The following ROBO2 variants were observed in gnomAD, a reference collection of about 807,000 sequenced individuals.
ROBO2 encodes the protein roundabout guidance receptor 2, also known as roundabout homolog 2.
ROBO2 carries 53 observed loss-of-function variants against 160.8 expected under a neutral mutation model. The ratio of observed to expected loss-of-function variants is 0.33; its 90% CI spans 0.26 to 0.41. ROBO2 has a LOEUF of 0.41. ROBO2 is among the 10% of genes least tolerant of loss of function. The pLI, the probability that ROBO2 is intolerant of heterozygous loss-of-function variation, is 1.00. For synonymous variants in ROBO2, 664 were observed against 611.7 expected (o/e 1.09, Z -1.26); for missense variants, 1,577 against 1,722.4 (o/e 0.92, Z 1.49).
intron 2 of ROBO2, among the ~76,000 whole-genome samples, chr3:76,758,206 A>T (rs2061095405): frequency 6.6e-6 from 1 of 151,840 alleles, no homozygotes; most frequent in Non-Finnish European, 1.5e-5. Context: ...TTCCATGGAA[A>T]AAAAAATACC....
At chr3:76,944,868 C>G (rs982880391) in intron 2 of ROBO2, among the ~76,000 whole-genome samples, 2 of 151,900 alleles carry the variant, frequency 1.3e-5, no homozygotes, top group East Asian at 3.9e-4. Flanking sequence ...GTGGCCCTCC[C>G]CTTGAATCTG....
intron 2 of ROBO2, among the ~76,000 whole-genome samples, chr3:76,866,877 C>A (rs2071425323): frequency 6.6e-6 from 1 of 152,134 alleles, no homozygotes; most frequent in Non-Finnish European, 1.5e-5. Flanking sequence ...ACCACTACCT[C>A]CCAGTCCCCT....
At chr3:76,110,545 G>A (rs1004351642) in intron 2 of ROBO2, among the ~76,000 whole-genome samples, 1 of 152,060 alleles carries the variant, frequency 6.6e-6, no homozygotes, top group Non-Finnish European at 1.5e-5. Context: ...GAAAATAATG[G>A]CACTGATGTT....
In ROBO2 at chr3:76,861,570, G is replaced by T. The variant is rs181330411; in HGVS notation, c.110-236444G>T. Among the ~76,000 whole-genome samples the T allele has an allele frequency of 1.3e-3, 205 of 152,152 alleles. 3 individuals are homozygous for T. The highest frequency in any genetic ancestry group is 4.6e-4 in the Non-Finnish European group (31 of 68,006). ...TCTGAGTTCCCTCCAGGGCCATCAT[G>T]TCTACTGTCAAGTTTTCAAATCACC... is the stretch of plus-strand genomic sequence containing the variant. On this transcript the variant is annotated intron_variant, in intron 2 of 26. Coordinates refer to the ROBO2 transcript ENST00000487694.
intron 2 of ROBO2, among the ~76,000 whole-genome samples, chr3:76,636,957 T>TG (rs11432751): frequency 0.68 from 102,555 of 151,726 alleles, 35,092 homozygotes; most frequent in African/African-American, 0.78. Context: ...AGGCCAACAA[T>TG]GGGGAAAACT....
intron 2 of ROBO2, among the ~76,000 whole-genome samples, chr3:76,942,549 A>G (rs2078260511): frequency 6.6e-6 from 1 of 152,328 alleles, no homozygotes; most frequent in Middle Eastern, 3.4e-3. Flanking sequence ...TGCTCGTGGA[A>G]AAGCAGAAGC....
chr3:76,326,139 A>G (rs71195261), intron 2 of ROBO2, among the ~76,000 whole-genome samples: 10,413 of 152,196 alleles, frequency 0.068, 439 homozygotes, highest in African/African-American at 0.12. Flanking sequence ...GCTGTTTACC[A>G]GTTTGAGTAA....
upstream of ROBO2, among the ~76,000 whole-genome samples, chr3:77,038,213 G>T (rs1361010309): frequency 2.0e-5 from 3 of 152,254 alleles, no homozygotes; most frequent in Middle Eastern, 6.8e-3. Context: ...AGCACATTCA[G>T]AATTATTATA....
intron 2 of ROBO2, among the ~76,000 whole-genome samples, chr3:76,844,187 C>A (rs2068567986): frequency 6.6e-6 from 1 of 151,916 alleles, no homozygotes; most frequent in African/African-American, 2.4e-5. Flanking sequence ...CATGCAACGT[C>A]ATTTGCAATT....
chr3:77,034,687 C>A (rs1328035766), intron 2 of ROBO2, among the ~76,000 whole-genome samples: 2 of 151,872 alleles, frequency 1.3e-5, no homozygotes, highest in Admixed American at 1.3e-4. Flanking sequence ...ATCTATAGGA[C>A]CCATGGGTAT....
chr3:76,744,559 G>T (rs973387687), intron 2 of ROBO2, among the ~76,000 whole-genome samples: 1 of 151,718 alleles, frequency 6.6e-6, no homozygotes, highest in Non-Finnish European at 1.5e-5. Context: ...ATGAGGTCTC[G>T]CTCTGTTGCC....
intron 2 of ROBO2, among the ~76,000 whole-genome samples, chr3:76,399,843 T>C (rs954347236): frequency 6.6e-6 from 1 of 151,682 alleles, no homozygotes; most frequent in Non-Finnish European, 1.5e-5. Context: ...CAGAAGCATT[T>C]TAGAAAAACT....
At chr3:76,030,060 A>C (rs930463377) in intron 2 of ROBO2, among the ~76,000 whole-genome samples, 1 of 152,106 alleles carries the variant, frequency 6.6e-6, no homozygotes, top group Non-Finnish European at 1.5e-5. Flanking sequence ...TTGCCATTCT[A>C]ACTGGTGTGA....
At chr3:76,998,936 C>T (rs2061184903) in intron 2 of ROBO2, among the ~76,000 whole-genome samples, 1 of 152,088 alleles carries the variant, frequency 6.6e-6, no homozygotes, top group African/African-American at 2.4e-5. Context: ...CTGAAGCAGA[C>T]CCAGCAAGGC....
intron 2 of ROBO2, among the ~76,000 whole-genome samples, chr3:76,788,175 G>A (rs2063119027): frequency 1.3e-5 from 2 of 151,172 alleles, no homozygotes; most frequent in Admixed American, 1.3e-4. Flanking sequence ...TGAGTACCTA[G>A]AATACACCAG....
At chr3:77,583,003 G>A (rs9878462) in intron 16 of ROBO2, among the ~76,000 whole-genome samples, 2,754 of 151,552 alleles carry the variant, frequency 0.018, 93 homozygotes, top group African/African-American at 0.061. Flanking sequence ...TTAGCCGGGC[G>A]TGGTGGCGTG....
intron 2 of ROBO2, among the ~76,000 whole-genome samples, chr3:76,314,576 CTCT>C (rs923664746): frequency 3.7e-4 from 56 of 152,226 alleles, no homozygotes; most frequent in African/African-American, 1.3e-3. Flanking sequence ...CCAACCTCTC[CTCT>C]TCTTCTTTAA....
chr3:76,684,247 C>T (rs1341845914), intron 2 of ROBO2, among the ~76,000 whole-genome samples: 2 of 152,218 alleles, frequency 1.3e-5, no homozygotes, highest in East Asian at 3.9e-4. Flanking sequence ...TCTTTTGCTT[C>T]TCTGCATCCC....
At chr3:76,022,972 C>T (rs186785481) in intron 2 of ROBO2, among the ~76,000 whole-genome samples, 39 of 151,908 alleles carry the variant, frequency 2.6e-4, no homozygotes, top group Non-Finnish European at 5.3e-4. Flanking sequence ...ATTATCTTAG[C>T]TAGATTTACT....
Sources: gnomAD v4.1 joint callset for allele counts (sites outside exome capture counted in the v4.1 genomes callset) on GRCh38, gnomAD v4.1.1 for gene constraint, MANE v1.5 for transcripts, NCBI Gene and HGNC (gene_info 2026-07-23, HGNC 2026-07-21) for gene names.